Variants in PLBD1 observed in about 807,000 individuals in gnomAD.
PLBD1 encodes the protein phospholipase B domain containing 1, also known as lysosomal leucine aminopeptidase.
Under a neutral mutation model 63.0 loss-of-function variants are expected in PLBD1, and 60 were observed. The observed-to-expected ratio is 0.95, with a 90% confidence interval of 0.77 to 1.18. The LOEUF (loss-of-function observed/expected upper bound fraction) is 1.18, where lower values mean the gene tolerates loss of function less well. Ranked by LOEUF, PLBD1 falls within the 50% of genes most tolerant of loss-of-function variation. The pLI is 0.00. For missense variants in PLBD1, 598 were observed against 677.9 expected (o/e 0.88, Z 1.31); for synonymous variants, 262 against 248.0 (o/e 1.06, Z -0.53).
intron 3 of PLBD1, among the ~76,000 whole-genome samples, chr12:14,541,840 G>A (rs1592005143): frequency 6.6e-6 from 1 of 152,124 alleles, no homozygotes; most frequent in South Asian, 2.1e-4. Context: ...TAGTAAGCAG[G>A]CTCATGAAAA....
intron 4 of PLBD1, among the ~76,000 whole-genome samples, chr12:14,537,620 T>G (rs1012514544): frequency 3.9e-5 from 6 of 152,234 alleles, no homozygotes; most frequent in African/African-American, 1.2e-4. Flanking sequence ...ACATGAACTT[T>G]GTGCAAACTG....
intron 4 of PLBD1, among the ~76,000 whole-genome samples, chr12:14,538,259 T>A (rs1945536093): frequency 6.6e-6 from 1 of 152,096 alleles, no homozygotes; most frequent in South Asian, 2.1e-4. Context: ...AATGGCGCGA[T>A]CTCAGCTCAC....
chr12:14,546,580 A>G (rs1945618389), intron 2 of PLBD1, among the ~76,000 whole-genome samples: 1 of 152,176 alleles, frequency 6.6e-6, no homozygotes, highest in Non-Finnish European at 1.5e-5. Flanking sequence ...GAGCATTTCT[A>G]GAGACATTTT....
intron 6 of PLBD1, among the ~76,000 whole-genome samples, chr12:14,520,735 G>A (rs1037025243): frequency 4.6e-5 from 7 of 152,116 alleles, no homozygotes; most frequent in East Asian, 1.9e-4. Context: ...AGTCAAGGTC[G>A]GTATGAAACC....
intron 2 of PLBD1, among the ~76,000 whole-genome samples, chr12:14,547,693 CAT>C (rs63688160): frequency 0.011 from 1,641 of 152,308 alleles, 24 homozygotes; most frequent in African/African-American, 0.037. Flanking sequence ...ATCAAAAAGA[CAT>C]GTGCACACCC....
chr12:14,508,709 G>C (rs777725447), intron 8 of PLBD1, among the ~76,000 whole-genome samples: 1 of 152,208 alleles, frequency 6.6e-6, no homozygotes. Context: ...GGCAAAGGTT[G>C]TAGTGAGCCG....
At chr12:14,553,788 C>T in intron 1 of PLBD1, 1 of 261,918 alleles carries the variant, frequency 3.8e-6, no homozygotes, top group South Asian at 4.6e-5. Context: ...ATACCCTTGA[C>T]TGAAGACCGA....
intron 8 of PLBD1, among the ~76,000 whole-genome samples, chr12:14,510,087 T>C (rs1187544852): frequency 6.6e-6 from 1 of 152,136 alleles, no homozygotes; most frequent in Non-Finnish European, 1.5e-5. Flanking sequence ...TTCTGTAGCC[T>C]AATGTATACA....
chr12:14,536,897 T>C (rs996200066), intron 4 of PLBD1, among the ~76,000 whole-genome samples, 187 bp from the exon 5 acceptor site: 7 of 152,230 alleles, frequency 4.6e-5, no homozygotes, highest in East Asian at 1.9e-4. Context: ...GAGACCAGCC[T>C]GGCCAACACA....
chr12:14,536,608 T>A lies in PLBD1; in HGVS notation c.661A>T (p.Lys221Ter). Reference protein sequence around the residue: ...PTKNGSLKVFKRWDMGHCSAL... With the variant: ...PTKNGSLKVF ...GAGCAATGTCCCATGTCCCATCTCT[T>A]AAAAACCTTTAGGCTGCCGTTTTTT... Residue 221 changes from lysine to a stop codon, truncating the protein, a stop_gained, in exon 5 of 11, where the codon AAG (lysine) becomes TAG (stop). Transcript: ENST00000240617. LOFTEE classifies it high-confidence loss of function. 6.2e-7 allele frequency: 1 copy of A among 1,614,218 alleles called. No individual in the cohort carries two copies. The highest frequency in any genetic ancestry group is 8.5e-7 in the Non-Finnish European group (1 of 1,180,036).
chr12:14,525,034 G>A (rs1945406169), intron 6 of PLBD1, among the ~76,000 whole-genome samples: 3 of 152,276 alleles, frequency 2.0e-5, no homozygotes, highest in Non-Finnish European at 2.9e-5. Flanking sequence ...AGGCCAAGGC[G>A]GGTGGATCAC....
chr12:14,521,635 C>T (rs1173670877), intron 6 of PLBD1, among the ~76,000 whole-genome samples: 1 of 152,108 alleles, frequency 6.6e-6, no homozygotes, highest in African/African-American at 2.4e-5. Flanking sequence ...CACCTTAGGA[C>T]ACATCTGCAG....
chr12:14,508,789 GA>G, intron 8 of PLBD1, among the ~76,000 whole-genome samples: 1 of 151,748 alleles, frequency 6.6e-6, no homozygotes, highest in Non-Finnish European at 1.5e-5. Context: ...AAAGAAAATA[GA>G]GCAGCTTGTT....
intron 1 of PLBD1, among the ~76,000 whole-genome samples, chr12:14,564,489 G>A (rs558457280): frequency 6.6e-6 from 1 of 152,328 alleles, no homozygotes; most frequent in Admixed American, 6.5e-5. Context: ...TGCCTACCAG[G>A]AGACAGACAA....
intron 4 of PLBD1, among the ~76,000 whole-genome samples, chr12:14,537,792 A>T (rs920360788): frequency 5.3e-5 from 8 of 152,272 alleles, no homozygotes; most frequent in African/African-American, 1.9e-4. Flanking sequence ...TATTTATATA[A>T]ATATCATCTC....
chr12:14,519,558 G>A (rs1164291908), intron 6 of PLBD1, among the ~76,000 whole-genome samples: 1 of 151,370 alleles, frequency 6.6e-6, no homozygotes, highest in Non-Finnish European at 1.5e-5. Flanking sequence ...GGCAGAGGTT[G>A]TGGTGAGCTG....
rs1945742956 is a variant in PLBD1 at position 14,561,667 on chromosome 12, G to A, written c.115+5915C>T. ...CATCCCGGGTTCAAGCAATTCTCCT[G>A]CCTCAGCCTCCTGAGTAGCTGGGAT... On this transcript the variant is annotated intron_variant, in intron 1 of 10. Transcript: ENST00000240617. Among the ~76,000 whole-genome samples, 6 of 152,300 alleles carry A rather than the reference G, an allele frequency of 3.9e-5. No homozygotes were observed. The South Asian group carries it at 1.2e-3, about 32-fold the overall frequency.
intron 6 of PLBD1, chr12:14,533,162 G>A (rs1215719426): frequency 6.6e-6 from 1 of 152,234 alleles, no homozygotes; most frequent in Non-Finnish European, 1.5e-5. Flanking sequence ...GATGGCATGA[G>A]CTTCATCGTA....
At chr12:14,567,061 C>CAGAGAGCG (rs1945793804) in intron 1 of PLBD1, among the ~76,000 whole-genome samples, 1 of 152,148 alleles carries the variant, frequency 6.6e-6, no homozygotes, top group Admixed American at 6.5e-5. Context: ...CACCATTGCA[C>CAGAGAGCG]TCCAGCGTCG....
Sources: gnomAD v4.1 joint callset for allele counts (sites outside exome capture counted in the v4.1 genomes callset) on GRCh38, gnomAD v4.1.1 for gene constraint, MANE v1.5 for transcripts, NCBI Gene and HGNC (gene_info 2026-07-23, HGNC 2026-07-21) for gene names.